The following XPC variants were observed in gnomAD, a reference collection of about 807,000 sequenced individuals.
XPC encodes the protein DNA repair protein complementing XP-C cells.
Under a neutral mutation model 95.8 loss-of-function variants are expected in XPC, and 76 were observed. That is an observed-to-expected ratio of 0.79 (90% CI 0.66 to 0.96). The LOEUF is 0.96. Among genes scored for constraint, XPC ranks in the 40% least tolerant of loss-of-function variants. The probability of loss-of-function intolerance (pLI) is 0.00; values close to 1 mark genes in which losing one functional copy is unlikely to be tolerated. For missense variants in XPC, 1,146 were observed against 1,179.8 expected (o/e 0.97, Z 0.42); for synonymous variants, 442 against 442.1 (o/e 1.00, Z 0.00).
At chr3:14,177,754 G>A (rs866288916) in intron 1 of XPC, among the ~76,000 whole-genome samples, 6 of 151,770 alleles carry the variant, frequency 4.0e-5, no homozygotes, top group African/African-American at 9.7e-5. Flanking sequence ...AGAGCTGGGA[G>A]GCCAGTAAAG....
intron 3 of XPC, among the ~76,000 whole-genome samples, chr3:14,170,009 A>C (rs969461631): frequency 5.9e-5 from 9 of 152,216 alleles, no homozygotes; most frequent in Non-Finnish European, 1.0e-4. Flanking sequence ...CTATACTGTG[A>C]ATGGCTCACA....
intron 7 of XPC, among the ~76,000 whole-genome samples, chr3:14,164,110 G>A (rs1331294423): frequency 6.6e-6 from 1 of 152,176 alleles, no homozygotes; most frequent in African/African-American, 2.4e-5. Context: ...TATCAGCCTT[G>A]CCAAATATCT....
rs200338014 is a variant in XPC at position 14,158,883 on chromosome 3, G to C, written c.1000C>G (p.Pro334Ala). The change falls in exon 9 of 16, where the codon CCT (proline) becomes GCT (alanine). Residue 334 changes from proline to alanine, a missense_variant. Transcript: ENST00000285021. The surrounding 1 kb of genome is among the most constrained non-coding windows in gnomAD (Gnocchi z 5.2). ...LKSATAKGKK[P>A]SKERLTADPG... Reference sequence around the variant, plus strand: ...TCCGCAGTCAATCTTTCCTTGGAAGGTTTCTTTCCCTTAAACAGAATAAGA... The same window carrying C: ...TCCGCAGTCAATCTTTCCTTGGAAGCTTTCTTTCCCTTAAACAGAATAAGA... 74 of 1,613,758 alleles carry C rather than the reference G, an allele frequency of 4.6e-5. No individual in the cohort carries two copies. Among genetic ancestry groups the C allele is most frequent in the Non-Finnish European group, 5.6e-5 (66 of 1,179,880 alleles).
chr3:14,150,690 T>A (rs1183412784), intron 11 of XPC, among the ~76,000 whole-genome samples: 3 of 151,982 alleles, frequency 2.0e-5, no homozygotes, highest in Admixed American at 6.6e-5. Flanking sequence ...GAGTACAGGG[T>A]GGAACAGGAG....
Position 14,156,046 on chromosome 3 carries a change from A to G in XPC, c.2033+289T>C, listed in dbSNP as rs3731143. ...CCTTCCTTTTGTATGTTTTTGACTT[A>G]TATTTGTGGGGTGTGTTTTATACTG... On this transcript the variant is annotated intron_variant, in intron 10 of 15. Coordinates refer to ENST00000285021, the MANE Select transcript of XPC (RefSeq NM_004628.5). Among the ~76,000 whole-genome samples, 6,045 of 152,184 alleles carry G rather than the reference A, an allele frequency of 0.04. 171 individuals are homozygous for G. Among genetic ancestry groups the G allele is most frequent in the Non-Finnish European group, 0.058 (3,978 of 68,008 alleles).
intron 11 of XPC, among the ~76,000 whole-genome samples, chr3:14,150,778 G>A (rs1348367306): frequency 1.3e-5 from 2 of 152,240 alleles, no homozygotes; most frequent in Non-Finnish European, 2.9e-5. Context: ...CGCCTGAGCA[G>A]AGGCTTAAAG....
At chr3:14,170,726 A>C in intron 2 of XPC, 176 bp from the exon 3 acceptor site, 13 of 492,588 alleles carry the variant, frequency 2.6e-5, no homozygotes, top group East Asian at 1.3e-4. Flanking sequence ...TCCAAATCTC[A>C]TCAAGATGTG....
At chr3:14,167,066 T>C in intron 5 of XPC, 103 bp downstream of exon 5, 2 of 1,036,024 alleles carry the variant, frequency 1.9e-6, no homozygotes, top group Non-Finnish European at 2.7e-6. Flanking sequence ...AGTAAGAAAC[T>C]TGCCATGGCC....
At chr3:14,153,987 A>G (rs549371458) in intron 10 of XPC, among the ~76,000 whole-genome samples, 1 of 152,312 alleles carries the variant, frequency 6.6e-6, no homozygotes, top group Non-Finnish European at 1.5e-5. Context: ...GAGCGGGTAA[A>G]AAAGGGGTCT....
At chr3:14,163,717 A>G (rs1379950418) in intron 7 of XPC, among the ~76,000 whole-genome samples, 1 of 152,242 alleles carries the variant, frequency 6.6e-6, no homozygotes, top group East Asian at 1.9e-4. Flanking sequence ...TGGTCACTGA[A>G]TTGTACCCCC....
At position 14,175,164 on chromosome 3, in the gene XPC, C is replaced by T. The variant is rs987697246; in HGVS notation, c.104-2102G>A. Among the ~76,000 whole-genome samples the T allele has an allele frequency of 2.6e-5, 4 of 152,090 alleles. No homozygotes were observed. In the South Asian group the frequency reaches 6.2e-4, roughly 24 times the overall value. On this transcript the variant is annotated intron_variant, in intron 1 of 15. Transcript: ENST00000285021. The stretch of plus-strand genomic sequence containing the variant: ...GTCCAGCCAACTGGCCAAGTTCATT[C>T]CCTCCTAAGAGTGTTTAAACACACT...
chr3:14,163,026 G>A (rs889914393), intron 7 of XPC, among the ~76,000 whole-genome samples: 5 of 152,182 alleles, frequency 3.3e-5, no homozygotes, highest in African/African-American at 1.2e-4. Context: ...TCATCATCAT[G>A]TCATTGGAGA....
intron 13 of XPC, chr3:14,148,213 C>G (rs1695528731): frequency 1.7e-6 from 1 of 586,820 alleles, no homozygotes; most frequent in South Asian, 2.2e-5. Flanking sequence ...CCGAAGAAAG[C>G]TGGGGTGAAA....
intron 10 of XPC, among the ~76,000 whole-genome samples, chr3:14,154,875 T>TGC (rs1280110008): frequency 5.6e-5 from 4 of 71,774 alleles, no homozygotes; most frequent in African/African-American, 2.3e-4. Context: ...TATAAAAAAT[T>TGC]TATAAATATT....
intron 14 of XPC, 77 bp downstream of exon 14, chr3:14,147,831 G>T (rs1422549929): frequency 8.2e-6 from 11 of 1,340,646 alleles, no homozygotes; most frequent in Non-Finnish European, 1.0e-5. Context: ...CACGGAGGCG[G>T]CCTGGGGAAG....
chr3:14,177,881 C>G (rs954350721), intron 1 of XPC, among the ~76,000 whole-genome samples: 1 of 152,032 alleles, frequency 6.6e-6, no homozygotes, highest in Non-Finnish European at 1.5e-5. Context: ...ACTGACTGGA[C>G]TTGCTGACGG....
Position 14,145,937 on chromosome 3 carries a change from C to A in XPC, c.*4G>T. On this transcript the variant is annotated 3_prime_UTR_variant, in exon 16 of 16. Transcript: ENST00000285021. ...GGTGGGTGCCCCTCTAGTGGGCGCT[C>A]AGCTCACAGCTGCTCAAATGGGAAC... 6.3e-7 allele frequency: 1 copy of A among 1,599,684 alleles called. No individual in the cohort carries two copies. The highest frequency in any genetic ancestry group is 1.1e-5 in the South Asian group (1 of 90,554).
At position 14,148,615 on chromosome 3, in the gene XPC, G is replaced by A; in HGVS notation, c.2367C>T (p.Asp789=). Residue 789 remains aspartate (D), a synonymous_variant, in exon 13 of 16, where the codon GAC becomes GAT. Transcript: ENST00000285021. Reference sequence around the variant, plus strand: ...CAAAGCCAGTGATGGCCTGGACACAGTCGATGTCCAGCTTGCGGGCCACGC... The same window carrying A: ...CAAAGCCAGTGATGGCCTGGACACAATCGATGTCCAGCTTGCGGGCCACGC... ...LHRVARKLDI[D]CVQAITGFDF... 6.2e-7 allele frequency: 1 copy of A among 1,614,058 alleles called. No homozygotes were observed. The highest frequency in any genetic ancestry group is 8.5e-7 in the Non-Finnish European group (1 of 1,179,906).
chr3:14,158,241 C>T lies in XPC; in HGVS notation c.1642G>A (p.Val548Met). 2 of 1,614,014 alleles carry T rather than the reference C, an allele frequency of 1.2e-6. No homozygotes were observed. The highest frequency in any genetic ancestry group is 1.7e-6 in the Non-Finnish European group (2 of 1,179,906). Residue 548 changes from valine to methionine, a missense_variant, in exon 9 of 16, where the codon GTG becomes ATG. Transcript: ENST00000285021. The surrounding 1 kb of genome is among the most constrained non-coding windows in gnomAD (Gnocchi z 5.2). ...QEEKWVCVDC[V>M]HGVVGQPLTC... ...AGAGGCTGGCCCACCACACCGTGCA[C>T]ACAGTCTACACATACCCACTTTTCC...
Sources: gnomAD v4.1 joint callset for allele counts (sites outside exome capture counted in the v4.1 genomes callset) on GRCh38, gnomAD v4.1.1 for gene constraint, Gnocchi (gnomAD v3.1) non-coding constraint, MANE v1.5 for transcripts, NCBI Gene and HGNC (gene_info 2026-07-23, HGNC 2026-07-21) for gene names.